PSME4: variants seen among roughly 807,000 people sequenced by gnomAD.
The protein encoded by PSME4 is proteasome activator subunit 4.
A neutral mutation model predicts 253.9 loss-of-function variants in PSME4; 89 were observed. The ratio of observed to expected loss-of-function variants is 0.35; its 90% CI spans 0.30 to 0.42. The LOEUF (loss-of-function observed/expected upper bound fraction) is 0.42. Among genes scored for constraint, PSME4 ranks in the 10% least tolerant of loss-of-function variants. The pLI is 1.00. For synonymous variants in PSME4, 851 were observed against 759.2 expected (o/e 1.12, Z -1.99); for missense variants, 2,014 against 2,195.2 (o/e 0.92, Z 1.65).
Position 53,921,066 on chromosome 2 carries a change from C to T in PSME4, c.2085G>A (p.Arg695=), listed in dbSNP as rs1479501883. 1.9e-6 allele frequency: 3 copies of T among 1,613,876 alleles called. No homozygotes were observed. The highest frequency in any genetic ancestry group is 1.7e-5 in the Admixed American group (1 of 59,974). ...TTTGGAGAATCTTTACAAGCTGCTC[C>T]CTATAAAGAAGCAACTTCCTTCCAT... ...RVDGRKLLLY[R]EQLVKILQRT... The change falls in exon 18 of 47, where the codon AGG becomes AGA. Residue 695 remains arginine (R), a synonymous_variant. Coordinates refer to ENST00000404125, the MANE Select transcript of PSME4 (RefSeq NM_014614.3).
At chr2:53,887,536 A>T (rs1679696318) in intron 39 of PSME4, 69 bp from the exon 40 acceptor site, 1 of 1,376,938 alleles carries the variant, frequency 7.3e-7, no homozygotes, top group Admixed American at 2.0e-5. Context: ...TTCAAAAGTT[A>T]TGACCCAATC....
At chr2:53,940,097 G>A (rs973354183) in intron 3 of PSME4, 97 bp from the exon 4 acceptor site, 35 of 949,072 alleles carry the variant, frequency 3.7e-5, no homozygotes, top group Non-Finnish European at 4.1e-5. Flanking sequence ...CACACATTCA[G>A]GTATTATTTG....
chr2:53,964,318 G>C (rs770054057), intron 1 of PSME4, among the ~76,000 whole-genome samples: 7 of 152,122 alleles, frequency 4.6e-5, no homozygotes, highest in Non-Finnish European at 8.8e-5. Context: ...ACCTAAAATT[G>C]CTCTCAGAAA....
chr2:53,958,270 T>C (rs1410119839), intron 1 of PSME4, among the ~76,000 whole-genome samples: 1 of 151,126 alleles, frequency 6.6e-6, no homozygotes, highest in Non-Finnish European at 1.5e-5. Flanking sequence ...GTGGGAGAAC[T>C]GCTTAAACCC....
intron 41 of PSME4, among the ~76,000 whole-genome samples, chr2:53,884,941 T>A (rs1049919361): frequency 2.0e-5 from 3 of 152,150 alleles, no homozygotes; most frequent in African/African-American, 7.2e-5. Context: ...CTATAGCAAA[T>A]CAAAAGTTTA....
At chr2:53,930,426 T>C (rs918168656) in intron 10 of PSME4, among the ~76,000 whole-genome samples, 1 of 152,194 alleles carries the variant, frequency 6.6e-6, no homozygotes, top group African/African-American at 2.4e-5. Context: ...TAACATTAAC[T>C]GTTGGCTTCT....
chr2:53,896,910 T>G, intron 31 of PSME4, 25 bp from the exon 32 acceptor site: 1 of 1,559,002 alleles, frequency 6.4e-7, no homozygotes, highest in African/African-American at 1.4e-5. Flanking sequence ...AGGTACACAT[T>G]CATAAAAAAA....
In PSME4 at chr2:53,893,553, T is replaced by G. The variant is rs1680008197; in HGVS notation, c.4038+121A>C. 3.3e-6 allele frequency: 5 copies of G among 1,530,652 alleles called. No homozygotes were observed. In the South Asian group the frequency reaches 3.7e-5, roughly 11 times the overall value. The allele number at this position is 1,530,652 out of a possible 1,614,324, so 94.8% of individuals were successfully genotyped here. ...AAAGTCTGTACATGTTCAGTGTAAA[T>G]TCCAGTGCCATTTTAGATCAAGGCA... On this transcript the variant is annotated intron_variant, in intron 35 of 46. Transcript: ENST00000404125.
At position 53,864,724 on chromosome 2, in the gene PSME4, A is replaced by G. The variant is rs763876846; in HGVS notation, c.*854T>C. The G allele has an allele frequency of 6.6e-6, 1 of 152,660 alleles. No homozygotes were observed. The highest frequency in any genetic ancestry group is 1.5e-5 in the Non-Finnish European group (1 of 68,046). 9.5% of individuals were successfully genotyped at this position (152,660 alleles called of 1,614,324 possible). On this transcript the variant is annotated 3_prime_UTR_variant, in exon 47 of 47. Transcript: ENST00000404125. ...CTCAACGATTCTGCAGGCAAAATAAAAAGGGAGAGAGAATAAAATAAATTA... is the reference window on the plus strand; with the variant it reads ...CTCAACGATTCTGCAGGCAAAATAAGAAGGGAGAGAGAATAAAATAAATTA...
chr2:53,956,819 C>T (rs1294253435), intron 1 of PSME4, among the ~76,000 whole-genome samples: 1 of 151,984 alleles, frequency 6.6e-6, no homozygotes, highest in Non-Finnish European at 1.5e-5. Context: ...TGTTTAAAAT[C>T]AGATAATCAA....
At position 53,895,683 on chromosome 2, in the gene PSME4, A is replaced by G. The variant is rs1335731485; in HGVS notation, c.3742T>C (p.Trp1248Arg). 1 of 1,613,356 alleles carries G rather than the reference A, an allele frequency of 6.2e-7. No individual in the cohort carries two copies. Among genetic ancestry groups the G allele is most frequent in the Non-Finnish European group, 8.5e-7 (1 of 1,179,650 alleles). Reference sequence around the variant, plus strand: ...ATAGTTTTGCTGTCATAATGCAACCAATGATTATCAGGCCTATCACCAGCA... The same window carrying G: ...ATAGTTTTGCTGTCATAATGCAACCGATGATTATCAGGCCTATCACCAGCA... ...IIAGDRPDNH[W>R]LHYDSKTIPR... The change falls in exon 33 of 47, where the codon TGG (tryptophan) becomes CGG (arginine). Residue 1248 changes from tryptophan to arginine, a missense_variant. Around this residue, in one of 4 missense-constraint regions of PSME4, gnomAD observed 989 missense variants for 1,021.1 expected, o/e 0.97. Transcript: ENST00000404125.
intron 43 of PSME4, among the ~76,000 whole-genome samples, chr2:53,873,290 C>T (rs1399964488): frequency 3.3e-5 from 5 of 150,098 alleles, no homozygotes; most frequent in Admixed American, 3.3e-4. Flanking sequence ...TGAGTACCAC[C>T]GGGACTAGAA....
Position 53,909,981 on chromosome 2 carries a change from A to G in PSME4, c.2572+94T>C, listed in dbSNP as rs200197111. Reference sequence around the variant, plus strand: ...TGAGACTCTGTCTCAAAACAAAACAAAACAAAAACACTACTTCATACTTCA... The same window carrying G: ...TGAGACTCTGTCTCAAAACAAAACAGAACAAAAACACTACTTCATACTTCA... On this transcript the variant is annotated intron_variant, in intron 21 of 46. Transcript: ENST00000404125. The G allele has an allele frequency of 6.8e-5, 76 of 1,114,206 alleles. No individual in the cohort carries two copies. The East Asian group carries it at 1.7e-3, about 25-fold the overall frequency. 69.0% of individuals were successfully genotyped at this position (1,114,206 alleles called of 1,614,324 possible). A position where few individuals can be genotyped will look rare whatever the true frequency, so the allele number is the denominator to read the frequency against.
chr2:53,914,005 A>C (rs1235579120), intron 20 of PSME4, among the ~76,000 whole-genome samples: 1 of 152,234 alleles, frequency 6.6e-6, no homozygotes, highest in African/African-American at 2.4e-5. Context: ...CATATCAATG[A>C]AATGGTCTCA....
chr2:53,942,429 T>C (rs1669495163), intron 3 of PSME4, among the ~76,000 whole-genome samples: 2 of 152,084 alleles, frequency 1.3e-5, no homozygotes, highest in Admixed American at 6.6e-5. Flanking sequence ...GGTTTTCTTA[T>C]ACCCTATTTC....
rs755736638 is a variant in PSME4, at chr2:53,893,804, A to G, written c.3913-5T>C. On this transcript the variant is annotated splice_region_variant and splice_polypyrimidine_tract_variant and intron_variant, in intron 34 of 46. Transcript: ENST00000404125. ...ATCAAATATAATCTGTTCTGCCTAT[A>G]AAGTTAAAAAAAGAACAATATTCAG... The G allele has an allele frequency of 1.3e-6, 2 of 1,580,880 alleles. No individual in the cohort carries two copies. Among genetic ancestry groups the G allele is most frequent in the South Asian group, 1.2e-5 (1 of 85,024 alleles).
intron 20 of PSME4, among the ~76,000 whole-genome samples, chr2:53,918,703 T>C (rs1035300521): frequency 1.3e-5 from 2 of 152,186 alleles, no homozygotes. Flanking sequence ...GAAGTAATAA[T>C]ACTCTGAAAA....
At chr2:53,953,322 T>A (rs1161566494) in intron 1 of PSME4, among the ~76,000 whole-genome samples, 1 of 151,770 alleles carries the variant, frequency 6.6e-6, no homozygotes, top group Non-Finnish European at 1.5e-5. Context: ...AGAACTCATA[T>A]CCAAATTACT....
intron 1 of PSME4, among the ~76,000 whole-genome samples, chr2:53,965,938 C>A (rs1164145928): frequency 6.6e-6 from 1 of 152,138 alleles, no homozygotes; most frequent in African/African-American, 2.4e-5. Context: ...TCCCAAAGTA[C>A]TGGGATTACA....
Sources: gnomAD v4.1 joint callset for allele counts (sites outside exome capture counted in the v4.1 genomes callset) on GRCh38, gnomAD v4.1.1 for gene constraint, gnomAD v4.1.1 regional missense constraint, MANE v1.5 for transcripts, NCBI Gene and HGNC (gene_info 2026-07-23, HGNC 2026-07-21) for gene names.